Variants in GATAD2B observed in about 807,000 individuals in gnomAD.
GATAD2B encodes transcriptional repressor p66-beta.
A neutral mutation model predicts 64.3 loss-of-function variants in GATAD2B; 8 were observed. The ratio of observed to expected loss-of-function variants is 0.12; its 90% confidence interval spans 0.07 to 0.22. GATAD2B has a LOEUF of 0.22. Among genes scored for constraint, GATAD2B ranks in the 10% least tolerant of loss-of-function variants. GATAD2B has a pLI of 1.00. For synonymous variants in GATAD2B, 281 were observed against 271.3 expected, an observed-to-expected ratio of 1.04 and a Z score of -0.35; for missense variants, 453 against 752.0, an observed-to-expected ratio of 0.60 and a Z score of 4.65.
chr1:153,906,065 CAA>C (rs142513068), intron 1 of GATAD2B, among the ~76,000 whole-genome samples: 12 of 74,820 alleles, frequency 1.6e-4, no homozygotes, highest in Middle Eastern at 0.011. Context: ...GGTTCCCTCT[CAA>C]AAAAAAAAAA....
Position 153,910,289 on chromosome 1 carries a change from T to TA in GATAD2B, c.-2+12443dup, listed in dbSNP as rs144232415. Among the ~76,000 whole-genome samples the TA allele has an allele frequency of 5.1e-3, 781 of 152,268 alleles. 12 individuals are homozygous for TA. The highest frequency in any genetic ancestry group is 0.018 in the African/African-American group (739 of 41,552). On this transcript the variant is annotated intron_variant, in intron 1 of 10. Transcript: ENST00000368655. Reference sequence around the variant, plus strand: ...TGCCAAGCATGTACATTCCCCAACTTACAATGGCTCAACTTAAAATTTTTC... The same window carrying TA: ...TGCCAAGCATGTACATTCCCCAACTTAACAATGGCTCAACTTAAAATTTTTC...
chr1:153,846,067 A>G (rs1226936840), intron 1 of GATAD2B, among the ~76,000 whole-genome samples: 1 of 150,640 alleles, frequency 6.6e-6, no homozygotes, highest in Non-Finnish European at 1.5e-5. Context: ...TTCGTTGTTA[A>G]TTTCAATTTC....
intron 1 of GATAD2B, among the ~76,000 whole-genome samples, chr1:153,834,079 T>C (rs1427809671): frequency 1.3e-5 from 2 of 151,674 alleles, no homozygotes; most frequent in African/African-American, 4.8e-5. Flanking sequence ...CTCAGTTCAC[T>C]GCAACCTCCA....
chr1:153,892,821 A>G (rs1677460013), intron 1 of GATAD2B, among the ~76,000 whole-genome samples: 1 of 151,316 alleles, frequency 6.6e-6, no homozygotes, highest in Non-Finnish European at 1.5e-5. Context: ...CCGCCTCCCA[A>G]GTAGCTGGGA....
chr1:153,885,863 CAAAA>C (rs778577435), intron 1 of GATAD2B, among the ~76,000 whole-genome samples: 6 of 53,662 alleles, frequency 1.1e-4, no homozygotes, highest in Non-Finnish European at 1.2e-4. Context: ...ACTCCGTCTC[CAAAA>C]AAAAAAAAAA....
chr1:153,878,867 T>C (rs1488948224), intron 1 of GATAD2B, among the ~76,000 whole-genome samples: 5 of 129,784 alleles, frequency 3.9e-5, no homozygotes, highest in Non-Finnish European at 1.6e-5. Context: ...AACCTCCACC[T>C]CCCAGGTTCA....
chr1:153,834,690 T>A (rs1675207939), intron 1 of GATAD2B, among the ~76,000 whole-genome samples: 1 of 152,164 alleles, frequency 6.6e-6, no homozygotes, highest in African/African-American at 2.4e-5. Context: ...ACGCCCGGCC[T>A]AAAACTATCA....
intron 1 of GATAD2B, among the ~76,000 whole-genome samples, chr1:153,850,002 G>A (rs1215720798): frequency 6.6e-6 from 1 of 152,126 alleles, no homozygotes; most frequent in Non-Finnish European, 1.5e-5. Flanking sequence ...GTCCTGAGAG[G>A]TAGTGTATCT....
At chr1:153,821,783 G>A (rs1481912374) in intron 2 of GATAD2B, among the ~76,000 whole-genome samples, 6 of 151,630 alleles carry the variant, frequency 4.0e-5, no homozygotes, top group Non-Finnish European at 7.4e-5. Context: ...GGCCAGGCTG[G>A]TCTCAAACTC....
intron 1 of GATAD2B, among the ~76,000 whole-genome samples, chr1:153,829,931 C>G (rs1003306714): frequency 1.3e-5 from 2 of 151,992 alleles, no homozygotes; most frequent in African/African-American, 4.8e-5. Flanking sequence ...GAAACCCTGT[C>G]TGCACTAAAA....
chr1:153,863,790 AT>A, intron 1 of GATAD2B, among the ~76,000 whole-genome samples: 1 of 151,772 alleles, frequency 6.6e-6, no homozygotes, highest in African/African-American at 2.4e-5. Context: ...TGCCTGGGTA[AT>A]TTTTTTGTAT....
Position 153,812,103 on chromosome 1 carries a change from T to C in GATAD2B, c.1449A>G (p.Ala483=). Residue 483 remains alanine, a synonymous_variant, in exon 9 of 11, where the codon GCA becomes GCG. Transcript: ENST00000368655. ...CTGGAGCCGTAGTGGGGGAGAGGGC[T>C]GCCTGCTGCTGTAATCGCTGTTCAA... is the stretch of plus-strand genomic sequence containing the variant. ...QEIEQRLQQQ[A]ALSPTTAPAV... is the part of the protein sequence containing the mutation. 6.2e-7 allele frequency: 1 copy of C among 1,611,990 alleles called. No homozygotes were observed. Among genetic ancestry groups the C allele is most frequent in the Non-Finnish European group, 8.5e-7 (1 of 1,178,264 alleles).
intron 1 of GATAD2B, among the ~76,000 whole-genome samples, chr1:153,876,683 A>G (rs557653491): frequency 6.6e-6 from 1 of 152,346 alleles, no homozygotes; most frequent in South Asian, 2.1e-4. Context: ...ACACGAAAGC[A>G]AATGTGCCAG....
At chr1:153,819,578 G>A in intron 3 of GATAD2B, 28 bp downstream of exon 3, 1 of 1,509,618 alleles carries the variant, frequency 6.6e-7, no homozygotes, top group Non-Finnish European at 9.0e-7. Flanking sequence ...AGCATAACAA[G>A]AAGAAAGAAA....
chr1:153,873,007 CAATA>C (rs1406534489), intron 1 of GATAD2B, among the ~76,000 whole-genome samples: 1 of 119,064 alleles, frequency 8.4e-6, no homozygotes, highest in Non-Finnish European at 2.0e-5. Flanking sequence ...AACTGCATGA[CAATA>C]AAGAACACAA....
intron 1 of GATAD2B, among the ~76,000 whole-genome samples, chr1:153,847,763 C>T (rs1313297912): frequency 1.3e-5 from 2 of 152,156 alleles, no homozygotes; most frequent in Non-Finnish European, 2.9e-5. Flanking sequence ...TGGACCATCT[C>T]ATTCTACTGT....
intron 1 of GATAD2B, among the ~76,000 whole-genome samples, chr1:153,905,356 G>A (rs1421072954): frequency 6.6e-6 from 1 of 151,760 alleles, no homozygotes; most frequent in Non-Finnish European, 1.5e-5. Flanking sequence ...CAGCCTGGGT[G>A]ACAGAGCCTG....
At chr1:153,812,174 C>A in intron 8 of GATAD2B, 42 bp from the exon 9 acceptor site, 2 of 969,860 alleles carry the variant, frequency 2.1e-6, no homozygotes, top group Non-Finnish European at 3.2e-6. Context: ...CAGGACAGCA[C>A]CCAATACCCA....
chr1:153,899,067 T>C (rs1383438138), intron 1 of GATAD2B: 1 of 152,192 alleles, frequency 6.6e-6, no homozygotes, highest in Non-Finnish European at 1.5e-5. Context: ...TTGAGGAACA[T>C]TTCAAAGAAG....
Sources: gnomAD v4.1 joint callset for allele counts (sites outside exome capture counted in the v4.1 genomes callset) on GRCh38, gnomAD v4.1.1 for gene constraint, MANE v1.5 for transcripts, NCBI Gene and HGNC (gene_info 2026-07-23, HGNC 2026-07-21) for gene names.